The following KCNN2 variants were observed in gnomAD, a reference collection of about 807,000 sequenced individuals.
KCNN2 encodes the protein potassium calcium-activated channel subfamily N member 2, also known as small conductance calcium-activated potassium channel protein 2.
KCNN2 carries 24 observed loss-of-function variants against 55.5 expected under a neutral mutation model. The ratio of observed to expected loss-of-function variants is 0.43; its 90% CI spans 0.31 to 0.61. The LOEUF is 0.61. Among genes scored for constraint, KCNN2 ranks in the 20% least tolerant of loss-of-function variants. The pLI, the probability that KCNN2 is intolerant of heterozygous loss-of-function variation, is 0.08. For missense variants in KCNN2, 754 were observed against 853.6 expected (o/e 0.88, Z 1.45); for synonymous variants, 431 against 336.1 (o/e 1.28, Z -3.09).
chr5:114,299,449 TAAAC>T (rs1005827813), intron 2 of KCNN2, among the ~76,000 whole-genome samples: 7 of 152,182 alleles, frequency 4.6e-5, no homozygotes, highest in African/African-American at 1.7e-4. Context: ...TTAAAAACAA[TAAAC>T]AAATATAAAA....
chr5:114,225,359 A>C (rs1359075329), intron 2 of KCNN2, among the ~76,000 whole-genome samples: 1 of 152,212 alleles, frequency 6.6e-6, no homozygotes, highest in Non-Finnish European at 1.5e-5. Context: ...TATATAGAAG[A>C]AGCATCAAGA....
intron 3 of KCNN2, among the ~76,000 whole-genome samples, chr5:114,432,016 A>T (rs1759810761): frequency 6.6e-6 from 1 of 152,180 alleles, no homozygotes; most frequent in Non-Finnish European, 1.5e-5. Context: ...ATTTTAGTGA[A>T]TATGTGTGCT....
At chr5:114,154,780 C>T (rs1302292585) in intron 1 of KCNN2, among the ~76,000 whole-genome samples, 2 of 152,096 alleles carry the variant, frequency 1.3e-5, no homozygotes, top group Non-Finnish European at 2.9e-5. Flanking sequence ...TTCTGATTGT[C>T]ATAGAATTTC....
chr5:114,470,742 C>T (rs903550309), intron 4 of KCNN2, among the ~76,000 whole-genome samples: 4 of 152,146 alleles, frequency 2.6e-5, no homozygotes, highest in Admixed American at 6.5e-5. Context: ...TCAAATGACT[C>T]TTATAAGAAT....
chr5:114,468,145 T>G (rs1761542675), intron 4 of KCNN2, among the ~76,000 whole-genome samples: 1 of 152,262 alleles, frequency 6.6e-6, no homozygotes, highest in Middle Eastern at 3.4e-3. Flanking sequence ...TTGAAGACAC[T>G]TAGAGGGCAT....
At chr5:114,442,287 G>T (rs1459784) in intron 3 of KCNN2, among the ~76,000 whole-genome samples, 133,460 of 150,538 alleles carry the variant, frequency 0.89, 59,366 homozygotes, top group East Asian at 0.96. Context: ...TGTATATATA[G>T]AGAGAGAGAG....
chr5:114,374,689 G>A (rs1757881461), intron 2 of KCNN2, among the ~76,000 whole-genome samples: 2 of 152,114 alleles, frequency 1.3e-5, no homozygotes, highest in African/African-American at 4.8e-5. Context: ...TTTAGAATAA[G>A]GTGTTATTGT....
At chr5:114,094,338 T>G (rs1226541143) in intron 1 of KCNN2, among the ~76,000 whole-genome samples, 2 of 152,190 alleles carry the variant, frequency 1.3e-5, no homozygotes, top group East Asian at 3.9e-4. Context: ...GCATTTTAAA[T>G]CTGAAAATTG....
chr5:114,419,266 A>G (rs1428046891), intron 3 of KCNN2, among the ~76,000 whole-genome samples: 1 of 152,192 alleles, frequency 6.6e-6, no homozygotes, highest in Admixed American at 6.5e-5. Context: ...TAGTTTTCAC[A>G]TTTTTTAATT....
At chr5:114,224,778 C>T (rs1006166130) in intron 2 of KCNN2, among the ~76,000 whole-genome samples, 1 of 152,134 alleles carries the variant, frequency 6.6e-6, no homozygotes, top group African/African-American at 2.4e-5. Flanking sequence ...TTACAGCTTG[C>T]CATCAAGATA....
At chr5:114,398,171 T>G (rs1453301104) in intron 2 of KCNN2, among the ~76,000 whole-genome samples, 2 of 152,232 alleles carry the variant, frequency 1.3e-5, no homozygotes, top group African/African-American at 4.8e-5. Context: ...GGTTTTACAT[T>G]TAAGTCTATA....
At chr5:114,449,879 T>TACAC (rs745574908) in intron 3 of KCNN2, among the ~76,000 whole-genome samples, 8,279 of 93,298 alleles carry the variant, frequency 0.089, 293 homozygotes, top group South Asian at 0.16. Context: ...CATCCAAACA[T>TACAC]ACACACACAC....
chr5:114,078,178 A>C (rs1005738204), intron 1 of KCNN2, among the ~76,000 whole-genome samples: 4 of 152,208 alleles, frequency 2.6e-5, no homozygotes, highest in Admixed American at 2.6e-4. Context: ...AATGGATTTA[A>C]AAATAATGAA....
At chr5:114,405,468 G>A (rs1030067491) in intron 3 of KCNN2, among the ~76,000 whole-genome samples, 3 of 152,146 alleles carry the variant, frequency 2.0e-5, no homozygotes, top group African/African-American at 7.2e-5. Flanking sequence ...TCAGATTTCA[G>A]GAGTGGCTCA....
At chr5:114,360,669 G>A (rs1044665419), upstream of KCNN2, among the ~76,000 whole-genome samples, 6 of 152,132 alleles carry the variant, frequency 3.9e-5, no homozygotes, top group Non-Finnish European at 5.9e-5. Flanking sequence ...GACAGCACAG[G>A]GAATTTGTGA....
At chr5:114,363,298 G>T (rs752548627) in intron 1 of KCNN2, 37 bp downstream of exon 1, 10 of 1,535,788 alleles carry the variant, frequency 6.5e-6, no homozygotes, top group Non-Finnish European at 7.9e-6. Context: ...TACCGGAGTC[G>T]GGCACTGGGT....
intron 1 of KCNN2, among the ~76,000 whole-genome samples, chr5:114,191,981 C>T (rs933065702): frequency 2.6e-5 from 4 of 152,232 alleles, no homozygotes; most frequent in African/African-American, 9.6e-5. Flanking sequence ...TTCACAGAGA[C>T]TAATGAGTAC....
At chr5:114,444,739 G>A (rs1051464619) in intron 3 of KCNN2, among the ~76,000 whole-genome samples, 4 of 152,114 alleles carry the variant, frequency 2.6e-5, no homozygotes, top group Non-Finnish European at 5.9e-5. Flanking sequence ...TGGCACTGAT[G>A]AGAGAGCACC....
intron 5 of KCNN2, chr5:114,486,817 T>G: frequency 7.7e-7 from 1 of 1,304,564 alleles, no homozygotes; most frequent in Non-Finnish European, 1.0e-6. Flanking sequence ...AGATAGAATT[T>G]ACCACAGAAA....
Sources: allele counts gnomAD v4.1 joint callset (sites outside exome capture counted in the v4.1 genomes callset), GRCh38; gene constraint gnomAD v4.1.1; transcripts MANE v1.5; gene names NCBI Gene and HGNC (gene_info 2026-07-23, HGNC 2026-07-21).